TNRC18: variants seen among roughly 807,000 people sequenced by gnomAD.
TNRC18 encodes trinucleotide repeat-containing gene 18 protein.
In TNRC18, 69 loss-of-function variants were observed where a neutral mutation model predicts 226.7. The ratio of observed to expected loss-of-function variants is 0.30; its 90% CI spans 0.25 to 0.37. The LOEUF (loss-of-function observed/expected upper bound fraction) is 0.37, where lower values mean the gene tolerates loss of function less well. TNRC18 is among the 10% of genes least tolerant of loss of function. The probability of loss-of-function intolerance (pLI) is 1.00; values close to 1 mark genes in which losing one functional copy is unlikely to be tolerated. For missense variants in TNRC18, 4,754 were observed against 4,256.6 expected (o/e 1.12, Z -3.25); for synonymous variants, 2,449 against 1,927.6 (o/e 1.27, Z -7.09).
intron 18 of TNRC18, among the ~76,000 whole-genome samples, chr7:5,334,184 G>A (rs1031777912): frequency 3.9e-5 from 6 of 152,228 alleles, no homozygotes; most frequent in African/African-American, 7.2e-5. Flanking sequence ...GGGGGCAGCC[G>A]TGAGAGGCTT....
At chr7:5,364,722 T>C (rs1219170123) in intron 11 of TNRC18, among the ~76,000 whole-genome samples, 1 of 149,294 alleles carries the variant, frequency 6.7e-6, no homozygotes, top group Non-Finnish European at 1.5e-5. Context: ...CAGAATCGCT[T>C]GAACCCAGGA....
intron 17 of TNRC18, among the ~76,000 whole-genome samples, chr7:5,346,155 C>G (rs1004929982): frequency 6.6e-6 from 1 of 152,238 alleles, no homozygotes; most frequent in South Asian, 2.1e-4. Context: ...CACAGTCACA[C>G]GCGCACACGC....
At chr7:5,385,215 G>C (rs1395086979) in intron 5 of TNRC18, among the ~76,000 whole-genome samples, 1 of 152,188 alleles carries the variant, frequency 6.6e-6, no homozygotes, top group Non-Finnish European at 1.5e-5. Context: ...GGCTGGGCGC[G>C]GTGGCTCACG....
intron 2 of TNRC18, among the ~76,000 whole-genome samples, chr7:5,401,231 G>T (rs553454086): frequency 6.8e-6 from 1 of 146,560 alleles, no homozygotes; most frequent in African/African-American, 2.5e-5. Context: ...TCGAGTCGGG[G>T]GGGGGCGGGG....
rs777878651 is a variant in TNRC18 at position 5,421,265 on chromosome 7, G to T, written c.-19C>A. 2.3e-6 allele frequency: 3 copies of T among 1,283,444 alleles called. No homozygotes were observed. The highest frequency in any genetic ancestry group is 3.0e-6 in the Non-Finnish European group (3 of 1,012,884). 79.5% of individuals were successfully genotyped at this position (1,283,444 alleles called of 1,614,324 possible). A position where few individuals can be genotyped will look rare whatever the true frequency, so the allele number is the denominator to read the frequency against. On this transcript the variant is annotated 5_prime_UTR_variant, in exon 2 of 30. Coordinates refer to ENST00000430969, the MANE Select transcript of TNRC18 (RefSeq NM_001080495.3). ...CATCCATCCTCCGCGGGAGTGCCGC[G>T]ATCAGCCCCCCACCCGGCCCGCAGG...
intron 2 of TNRC18, among the ~76,000 whole-genome samples, chr7:5,403,251 C>T (rs1781234926): frequency 6.6e-6 from 1 of 151,876 alleles, no homozygotes; most frequent in South Asian, 2.1e-4. Context: ...ACCTCTACCT[C>T]CCGGGTTCAA....
At chr7:5,359,188 C>T (rs908916205) in intron 15 of TNRC18, among the ~76,000 whole-genome samples, 2 of 152,190 alleles carry the variant, frequency 1.3e-5, no homozygotes, top group Admixed American at 6.6e-5. Flanking sequence ...GGCTGTGTTA[C>T]GTCGGTAGGT....
intron 18 of TNRC18, among the ~76,000 whole-genome samples, chr7:5,338,538 G>A (rs1338549592): frequency 1.3e-5 from 2 of 150,908 alleles, no homozygotes; most frequent in Middle Eastern, 3.2e-3. Flanking sequence ...CTGAGGTCAG[G>A]ACCAGCCTGG....
intron 21 of TNRC18, among the ~76,000 whole-genome samples, chr7:5,323,242 CCCTGGGTCCCAG>C (rs1278294749): frequency 5.9e-5 from 9 of 152,114 alleles, no homozygotes; most frequent in Non-Finnish European, 1.2e-4. Context: ...GGCTACAGAC[CCCTGGGTCCCAG>C]CCTGGGCGTG....
At chr7:5,354,129 G>C (rs1305361884) in intron 16 of TNRC18, among the ~76,000 whole-genome samples, 1 of 151,996 alleles carries the variant, frequency 6.6e-6, no homozygotes, top group East Asian at 1.9e-4. Flanking sequence ...CTTGAACCCG[G>C]GAGGCGGAGG....
chr7:5,381,514 T>TAC (rs1779393959), intron 5 of TNRC18, among the ~76,000 whole-genome samples: 1 of 152,152 alleles, frequency 6.6e-6, no homozygotes, highest in African/African-American at 2.4e-5. Context: ...CTCTTGACTA[T>TAC]ACACAGCTAT....
At chr7:5,376,373 AG>A (rs967311545) in intron 8 of TNRC18, 149 bp from the exon 9 acceptor site, 11 of 734,530 alleles carry the variant, frequency 1.5e-5, no homozygotes, top group East Asian at 2.9e-5. Flanking sequence ...CCCAGGGGCC[AG>A]GAAGTTTGTC....
intron 1 of TNRC18, among the ~76,000 whole-genome samples, chr7:5,422,034 C>CT (rs1348309007): frequency 6.6e-6 from 1 of 151,946 alleles, no homozygotes; most frequent in African/African-American, 2.4e-5. Context: ...TGGTGTTTTT[C>CT]TGGGGGTGGG....
chr7:5,352,070 T>G lies in TNRC18; in HGVS notation c.5219A>C (p.Glu1740Ala). 6.2e-7 allele frequency: 1 copy of G among 1,610,134 alleles called. No homozygotes were observed. ...SYNTDSEEDE[E>A]FLKDEWPAQG... is the part of the protein sequence containing the mutation. ...GGCGGGCCACTCGTCCTTCAGGAAT[T>G]CTTCGTCTTCCTCTGAGTCCGTATC... is the stretch of plus-strand genomic sequence containing the variant. The change falls in exon 17 of 30, where the codon GAA becomes GCA. Residue 1740 changes from glutamate to alanine, a missense_variant. Coordinates refer to ENST00000430969, the MANE Select transcript of TNRC18 (RefSeq NM_001080495.3).
chr7:5,372,032 G>T (rs1418469928), intron 10 of TNRC18, among the ~76,000 whole-genome samples: 1 of 151,936 alleles, frequency 6.6e-6, no homozygotes, highest in Non-Finnish European at 1.5e-5. Flanking sequence ...CGAGCAGCTG[G>T]GACAAGAAGC....
At chr7:5,311,162 A>G (rs1292434262) in intron 27 of TNRC18, among the ~76,000 whole-genome samples, 12 of 151,894 alleles carry the variant, frequency 7.9e-5, no homozygotes, top group Non-Finnish European at 1.8e-4. Flanking sequence ...GTGTGGCTGT[A>G]TGTGCATTCA....
chr7:5,315,817 G>T, intron 25 of TNRC18, 139 bp downstream of exon 25: 1 of 601,214 alleles, frequency 1.7e-6, no homozygotes, highest in Non-Finnish European at 2.8e-6. Context: ...TCTCACGGGA[G>T]CCCACCCATG....
intron 16 of TNRC18, among the ~76,000 whole-genome samples, chr7:5,353,186 G>A (rs936711485): frequency 2.0e-5 from 3 of 152,154 alleles, no homozygotes; most frequent in Non-Finnish European, 2.9e-5. Flanking sequence ...CCCTCCCGAG[G>A]CTGTGTCCCA....
At chr7:5,420,158 G>C (rs968068714) in intron 2 of TNRC18, 2 of 333,956 alleles carry the variant, frequency 6.0e-6, no homozygotes, top group South Asian at 4.3e-5. Context: ...AGAGTCTCCC[G>C]CCCCGGCGCA....
Sources: gnomAD v4.1 joint callset for allele counts (sites outside exome capture counted in the v4.1 genomes callset) on GRCh38, gnomAD v4.1.1 for gene constraint, MANE v1.5 for transcripts, NCBI Gene and HGNC (gene_info 2026-07-23, HGNC 2026-07-21) for gene names.